Variants in AKR1E2 observed in about 807,000 individuals in gnomAD.
AKR1E2 encodes 1,5-anhydro-D-fructose reductase.
A neutral mutation model predicts 41.9 loss-of-function variants in AKR1E2; 43 were observed. That is an observed-to-expected ratio of 1.03 (90% CI 0.80 to 1.32). The LOEUF is 1.32. Among genes scored for constraint, AKR1E2 ranks in the 40% most tolerant of loss-of-function variants. AKR1E2 has a pLI of 0.00. For missense variants in AKR1E2, 423 were observed against 396.5 expected, an observed-to-expected ratio of 1.07 and a Z score of -0.57; for synonymous variants, 121 against 138.9, an observed-to-expected ratio of 0.87 and a Z score of 0.91.
At chr10:4,867,093 C>T in the AKR1E2 span, among the ~76,000 whole-genome samples, 1 of 152,136 alleles carries the variant, frequency 6.6e-6, no homozygotes, top group African/African-American at 2.4e-5. Context: ...AGGGCTGTTA[C>T]CATCTTTGTT....
intron 2 of AKR1E2, among the ~76,000 whole-genome samples, chr10:4,831,559 C>T (rs941744022): frequency 1.3e-5 from 2 of 152,176 alleles, no homozygotes; most frequent in African/African-American, 4.8e-5. Flanking sequence ...ATCACCAGAA[C>T]AGCATAGGAA....
At chr10:4,839,919 T>TGG (rs1239183821) in intron 6 of AKR1E2, 93 bp downstream of exon 6, 2 of 1,211,510 alleles carry the variant, frequency 1.7e-6, no homozygotes, top group Non-Finnish European at 2.4e-6. Flanking sequence ...GAGGGCTTAA[T>TGG]GGAGGTTTTG....
At chr10:4,834,210 A>G (rs1833209028) in intron 3 of AKR1E2, among the ~76,000 whole-genome samples, 2 of 152,248 alleles carry the variant, frequency 1.3e-5, no homozygotes, top group South Asian at 4.1e-4. Flanking sequence ...GGAATGGGTG[A>G]CTGCTGCTCA....
downstream of AKR1E2, among the ~76,000 whole-genome samples, chr10:4,853,004 C>T (rs78566043): frequency 0.034 from 5,212 of 152,098 alleles, 147 homozygotes; most frequent in East Asian, 0.11. Flanking sequence ...ATTTAGGAAA[C>T]CTCAGGAAAT....
Position 4,833,437 on chromosome 10 carries a change from T to C in AKR1E2, c.295T>C (p.Tyr99His), listed in dbSNP as rs774528287. ...CTTGAAGCTGAACTATTTGGACCTC[T>C]ACCTCATACACTGGCCCATGGGTTT... is the stretch of plus-strand genomic sequence containing the variant. Reference protein sequence around the residue: ...KALKLNYLDLYLIHWPMGFKP... With the variant: ...KALKLNYLDLHLIHWPMGFKP... The change falls in exon 3 of 10, where the codon TAC becomes CAC. Residue 99 changes from tyrosine (Y) to histidine (H), a missense_variant. Coordinates refer to ENST00000298375, the MANE Select transcript of AKR1E2 (RefSeq NM_001040177.3). 4 of 1,614,138 alleles carry C rather than the reference T, an allele frequency of 2.5e-6. No homozygotes were observed. In the African/African-American group the frequency reaches 4.0e-5, roughly 16 times the overall value.
chr10:4,864,015 T>C, the AKR1E2 span, among the ~76,000 whole-genome samples: 1 of 152,172 alleles, frequency 6.6e-6, no homozygotes. Flanking sequence ...GATTCACAGC[T>C]GAATTCTACC....
chr10:4,866,032 T>C, the AKR1E2 span, among the ~76,000 whole-genome samples: 1 of 152,232 alleles, frequency 6.6e-6, no homozygotes, highest in Non-Finnish European at 1.5e-5. Context: ...TAACTAGCAG[T>C]ACCAAATCCC....
rs74993572 is a variant in AKR1E2 at position 4,835,627 on chromosome 10, G to T, written c.325-48G>T. 67,526 of 1,582,306 alleles carry T rather than the reference G, an allele frequency of 0.043. 1,765 individuals are homozygous for T. Among genetic ancestry groups the T allele is most frequent in the East Asian group, 0.12 (5,420 of 44,348 alleles). On this transcript the variant is annotated intron_variant, in intron 3 of 9. Coordinates refer to ENST00000298375, the MANE Select transcript of AKR1E2 (RefSeq NM_001040177.3). Reference sequence around the variant, plus strand: ...GGTCTCCTGACACATGGTTTTTTTTGTTTTGTTTTGTTTTGTTTTCACACA... The same window carrying T: ...GGTCTCCTGACACATGGTTTTTTTTTTTTTGTTTTGTTTTGTTTTCACACA...
At chr10:4,871,451 A>G in the AKR1E2 span, among the ~76,000 whole-genome samples, 1 of 152,170 alleles carries the variant, frequency 6.6e-6, no homozygotes, top group Non-Finnish European at 1.5e-5. Context: ...ATATATTTGT[A>G]TAGTGTGGAT....
At chr10:4,857,323 T>C in the AKR1E2 span, among the ~76,000 whole-genome samples, 1 of 152,128 alleles carries the variant, frequency 6.6e-6, no homozygotes. Flanking sequence ...TCATGAATGG[T>C]TTAACACCAT....
At chr10:4,849,862 C>T (rs1055684285), downstream of AKR1E2, among the ~76,000 whole-genome samples, 1 of 152,204 alleles carries the variant, frequency 6.6e-6, no homozygotes, top group African/African-American at 2.4e-5. Context: ...TGGTCCAGTG[C>T]ATCTGCGGCT....
chr10:4,830,042 C>T (rs1397377388), intron 1 of AKR1E2, among the ~76,000 whole-genome samples: 1 of 152,162 alleles, frequency 6.6e-6, no homozygotes, highest in Non-Finnish European at 1.5e-5. Context: ...TGCTCTAACT[C>T]CTAGGGTTAC....
chr10:4,853,957 A>G, the AKR1E2 span, among the ~76,000 whole-genome samples: 118 of 152,336 alleles, frequency 7.7e-4, no homozygotes, highest in African/African-American at 2.6e-3. Context: ...TATAGGGTCT[A>G]AAAAGGGGAG....
chr10:4,860,441 ACTCT>A, the AKR1E2 span, among the ~76,000 whole-genome samples: 2 of 152,016 alleles, frequency 1.3e-5, no homozygotes, highest in Admixed American at 6.6e-5. Context: ...GACTCTTCAT[ACTCT>A]CTCTGAGGAA....
chr10:4,840,359 T>C (rs1328402742), intron 6 of AKR1E2, among the ~76,000 whole-genome samples: 1 of 152,206 alleles, frequency 6.6e-6, no homozygotes, highest in Admixed American at 6.5e-5. Context: ...TTGGACTTTG[T>C]TTCATGATTT....
chr10:4,847,114 T>C, intron 8 of AKR1E2, 34 bp from the exon 9 acceptor site: 3 of 1,613,392 alleles, frequency 1.9e-6, no homozygotes, highest in Non-Finnish European at 2.5e-6. Context: ...TGAATTAAAC[T>C]AAGTTTTCTA....
At chr10:4,860,395 A>G in the AKR1E2 span, among the ~76,000 whole-genome samples, 2 of 152,128 alleles carry the variant, frequency 1.3e-5, no homozygotes, top group Non-Finnish European at 2.9e-5. Context: ...AGCTGAATCT[A>G]TGTGGCAAGA....
downstream of AKR1E2, among the ~76,000 whole-genome samples, chr10:4,848,712 G>T (rs1256764568): frequency 6.6e-6 from 1 of 152,140 alleles, no homozygotes; most frequent in Non-Finnish European, 1.5e-5. Context: ...GGACTGTTTG[G>T]GGACAGTTCC....
intron 3 of AKR1E2, among the ~76,000 whole-genome samples, chr10:4,834,232 C>T (rs1440267190): frequency 6.6e-6 from 1 of 152,256 alleles, no homozygotes; most frequent in East Asian, 1.9e-4. Context: ...CAGTCTTCTA[C>T]ATACCAACCT....
Sources: allele counts gnomAD v4.1 joint callset (sites outside exome capture counted in the v4.1 genomes callset), GRCh38; gene constraint gnomAD v4.1.1; transcripts MANE v1.5; gene names NCBI Gene and HGNC (gene_info 2026-07-23, HGNC 2026-07-21).